The following ARMH3 variants were observed in gnomAD, a reference collection of about 807,000 sequenced individuals.
ARMH3 encodes armadillo-like helical domain-containing protein 3.
In ARMH3, 60 loss-of-function variants were observed where a neutral mutation model predicts 99.1. The observed-to-expected ratio is 0.61, with a 90% confidence interval of 0.49 to 0.75. ARMH3 has a LOEUF of 0.75. Ranked by LOEUF, ARMH3 falls within the 30% of genes least tolerant of loss-of-function variation. The pLI is 0.00. For synonymous variants in ARMH3, 285 were observed against 292.8 expected (o/e 0.97, Z 0.27); for missense variants, 679 against 843.1 (o/e 0.81, Z 2.41).
intron 21 of ARMH3, 134 bp downstream of exon 21, chr10:101,957,516 C>T (rs982260302): frequency 7.5e-6 from 7 of 934,704 alleles, no homozygotes; most frequent in Non-Finnish European, 1.1e-5. Flanking sequence ...AGTCCAGATT[C>T]GGATCCAAAA....
At chr10:101,978,840 C>T (rs1334637818) in intron 19 of ARMH3, among the ~76,000 whole-genome samples, 1 of 152,122 alleles carries the variant, frequency 6.6e-6, no homozygotes, top group East Asian at 1.9e-4. Flanking sequence ...ACTCAGGAGG[C>T]TGAGGCAGAG....
rs181448659 is a variant in ARMH3 at position 101,929,967 on chromosome 10, C to G, written c.1781+9896G>C. Among the ~76,000 whole-genome samples, 53 of 152,118 alleles carry G rather than the reference C, an allele frequency of 3.5e-4. 1 individual carries two copies. The highest frequency in any genetic ancestry group is 2.0e-3 in the Admixed American group (31 of 15,276). On this transcript the variant is annotated intron_variant, in intron 23 of 25. Coordinates refer to ENST00000370033, the MANE Select transcript of ARMH3 (RefSeq NM_024541.3). ...GCATCCCTAATCCAGAAATCTGAAACACAAATTGTTCCAATGAGCATTTCC... is the reference window on the plus strand; with the variant it reads ...GCATCCCTAATCCAGAAATCTGAAAGACAAATTGTTCCAATGAGCATTTCC...
chr10:101,954,990 G>A (rs74779182), intron 22 of ARMH3, among the ~76,000 whole-genome samples: 1,826 of 152,058 alleles, frequency 0.012, 33 homozygotes, highest in African/African-American at 0.042. Context: ...TCCTTTTCTC[G>A]TTGAAAAGCA....
intron 23 of ARMH3, among the ~76,000 whole-genome samples, chr10:101,895,399 C>A (rs1169379876): frequency 1.3e-5 from 2 of 151,940 alleles, no homozygotes; most frequent in Non-Finnish European, 2.9e-5. Context: ...CCGGCATCAG[C>A]CTCCCGAGTA....
At chr10:101,979,666 G>A (rs921752932) in intron 19 of ARMH3, among the ~76,000 whole-genome samples, 2 of 152,036 alleles carry the variant, frequency 1.3e-5, no homozygotes, top group African/African-American at 2.4e-5. Flanking sequence ...TGTGGCCTAC[G>A]TTTTCCAAAT....
At chr10:101,980,671 C>T (rs555060360) in intron 19 of ARMH3, among the ~76,000 whole-genome samples, 9 of 152,090 alleles carry the variant, frequency 5.9e-5, no homozygotes, top group East Asian at 3.9e-4. Context: ...CTTTAGCAGA[C>T]ACCACATTAA....
intron 23 of ARMH3, among the ~76,000 whole-genome samples, chr10:101,904,653 A>G (rs958565099): frequency 5.5e-5 from 8 of 145,118 alleles, no homozygotes; most frequent in Non-Finnish European, 1.2e-4. Context: ...TGTTGGGATT[A>G]AAAAAAAAAA....
At chr10:101,941,330 T>G (rs555778114) in intron 22 of ARMH3, among the ~76,000 whole-genome samples, 4 of 152,362 alleles carry the variant, frequency 2.6e-5, no homozygotes, top group Non-Finnish European at 5.9e-5. Flanking sequence ...GTTTTAGCTA[T>G]TATTAATTTC....
intron 14 of ARMH3, among the ~76,000 whole-genome samples, chr10:102,003,859 T>C (rs1407463656): frequency 6.6e-6 from 1 of 152,184 alleles, no homozygotes; most frequent in Non-Finnish European, 1.5e-5. Context: ...AGAGCTAATA[T>C]AAGACAAATA....
chr10:102,030,493 G>C (rs1182429476), intron 4 of ARMH3, among the ~76,000 whole-genome samples: 3 of 152,080 alleles, frequency 2.0e-5, no homozygotes, highest in African/African-American at 7.2e-5. Flanking sequence ...TGGATCACCT[G>C]AGGTCAGGAG....
chr10:101,884,436 G>A (rs540040730), intron 24 of ARMH3, among the ~76,000 whole-genome samples: 1 of 152,236 alleles, frequency 6.6e-6, no homozygotes, highest in African/African-American at 2.4e-5. Flanking sequence ...AGGGGACAAG[G>A]GGCCTGAAGG....
intron 20 of ARMH3, among the ~76,000 whole-genome samples, chr10:101,970,656 TA>T (rs1195310551): frequency 4.5e-4 from 65 of 144,374 alleles, no homozygotes; most frequent in South Asian, 8.7e-4. Flanking sequence ...ACCCCATCTC[TA>T]AAAAAAAAAA....
At chr10:101,925,217 A>G (rs1374621574) in intron 23 of ARMH3, among the ~76,000 whole-genome samples, 1 of 152,226 alleles carries the variant, frequency 6.6e-6, no homozygotes, top group Non-Finnish European at 1.5e-5. Flanking sequence ...TGGAGGCTGC[A>G]AATAAAATAT....
At chr10:102,015,737 CA>C (rs988560280) in intron 8 of ARMH3, among the ~76,000 whole-genome samples, 5 of 152,162 alleles carry the variant, frequency 3.3e-5, no homozygotes, top group Non-Finnish European at 7.3e-5. Context: ...CAAACGTTTG[CA>C]TTCTAGTTCT....
intron 2 of ARMH3, among the ~76,000 whole-genome samples, chr10:102,037,483 C>T (rs1195387584): frequency 6.6e-6 from 1 of 152,132 alleles, no homozygotes; most frequent in Non-Finnish European, 1.5e-5. Context: ...CACACCTAGC[C>T]TCTTCTGGAT....
intron 20 of ARMH3, among the ~76,000 whole-genome samples, chr10:101,972,079 T>C (rs1348239031): frequency 6.6e-6 from 1 of 151,522 alleles, no homozygotes; most frequent in Non-Finnish European, 1.5e-5. Flanking sequence ...CAGCAGGGAG[T>C]AGATCAGGGC....
intron 23 of ARMH3, among the ~76,000 whole-genome samples, chr10:101,892,060 C>T (rs1437564638): frequency 6.6e-6 from 1 of 151,356 alleles, no homozygotes; most frequent in Non-Finnish European, 1.5e-5. Flanking sequence ...TTCAGTGAGC[C>T]AAGATTGTGC....
chr10:102,018,102 G>C (rs1431481809), intron 8 of ARMH3, among the ~76,000 whole-genome samples: 1 of 152,104 alleles, frequency 6.6e-6, no homozygotes, highest in East Asian at 1.9e-4. Context: ...CTGACTTTTG[G>C]GTTCAGTAAT....
rs191476650 is a variant in ARMH3, at chr10:102,042,235, T to C, written c.-11-2110A>G. The stretch of plus-strand genomic sequence containing the variant: ...TAGAATAAATCAAAAGCAATGCAAT[T>C]CTAAACTTAGTGGATATGGATCTTG... On this transcript the variant is annotated intron_variant, in intron 1 of 25. Transcript: ENST00000370033. Among the ~76,000 whole-genome samples the C allele has an allele frequency of 9.6e-4, 146 of 152,332 alleles. 1 individual carries two copies. Among genetic ancestry groups the C allele is most frequent in the Admixed American group, 1.9e-3 (29 of 15,306 alleles).
Sources: gnomAD v4.1 joint callset for allele counts (sites outside exome capture counted in the v4.1 genomes callset) on GRCh38, gnomAD v4.1.1 for gene constraint, MANE v1.5 for transcripts, NCBI Gene and HGNC (gene_info 2026-07-23, HGNC 2026-07-21) for gene names.